APPBP2: variants seen among roughly 807,000 people sequenced by gnomAD.
The protein encoded by APPBP2 is amyloid beta precursor protein binding protein 2, also known as amyloid protein-binding protein 2.
APPBP2 carries 15 observed loss-of-function variants against 76.0 expected under a neutral mutation model. The observed-to-expected ratio is 0.20, with a 90% CI of 0.13 to 0.30. The LOEUF is 0.30. Among genes scored for constraint, APPBP2 ranks in the 10% least tolerant of loss-of-function variants. The pLI, the probability that APPBP2 is intolerant of heterozygous loss-of-function variation, is 1.00. For missense variants in APPBP2, 401 were observed against 687.2 expected, an observed-to-expected ratio of 0.58 and a Z score of 4.66; for synonymous variants, 222 against 242.2, an observed-to-expected ratio of 0.92 and a Z score of 0.77.
chr17:60,494,390 T>C, intron 3 of APPBP2, 76 bp downstream of exon 3: 5 of 1,535,176 alleles, frequency 3.3e-6, no homozygotes, highest in Non-Finnish European at 4.4e-6. Context: ...GGGAAAGCCC[T>C]GGAAGAATTC....
At chr17:60,505,679 T>TTTTTTTTG (rs2090861530) in intron 1 of APPBP2, among the ~76,000 whole-genome samples, 1 of 124,188 alleles carries the variant, frequency 8.1e-6, no homozygotes, top group African/African-American at 3.7e-5. Flanking sequence ...CCCTGCGGTT[T>TTTTTTTTG]TTTTTTTTTT....
intron 4 of APPBP2, among the ~76,000 whole-genome samples, chr17:60,476,457 C>A (rs2090591682): frequency 6.6e-6 from 1 of 151,850 alleles, no homozygotes; most frequent in Non-Finnish European, 1.5e-5. Context: ...TAAAAAAAGG[C>A]TAAGTCATAA....
intron 1 of APPBP2, chr17:60,513,435 T>C (rs769036523): frequency 3.1e-6 from 2 of 647,486 alleles, no homozygotes; most frequent in Non-Finnish European, 2.8e-6. Flanking sequence ...TTGTGACAGA[T>C]AACTTGTGGT....
At chr17:60,516,860 T>C (rs2143496919) in intron 1 of APPBP2, among the ~76,000 whole-genome samples, 1 of 152,368 alleles carries the variant, frequency 6.6e-6, no homozygotes, top group South Asian at 2.1e-4. Flanking sequence ...GTCACTGTGA[T>C]GGGTGTACAG....
intron 3 of APPBP2, among the ~76,000 whole-genome samples, chr17:60,489,180 C>T (rs751063111): frequency 4.0e-5 from 6 of 151,846 alleles, no homozygotes; most frequent in Non-Finnish European, 7.4e-5. Context: ...TGAGATCACA[C>T]TATTGCACTC....
At chr17:60,509,358 G>A (rs187077487) in intron 1 of APPBP2, among the ~76,000 whole-genome samples, 18 of 150,282 alleles carry the variant, frequency 1.2e-4, no homozygotes, top group East Asian at 7.8e-4. Context: ...CAACCTGGGC[G>A]ACAGAGCGAG....
chr17:60,471,777 C>A (rs759889057), intron 4 of APPBP2, among the ~76,000 whole-genome samples: 3 of 152,030 alleles, frequency 2.0e-5, no homozygotes, highest in African/African-American at 7.2e-5. Context: ...TCTGAAATTG[C>A]CTTTTTTGTG....
At chr17:60,468,034 T>C (rs548599662) in intron 4 of APPBP2, among the ~76,000 whole-genome samples, 1 of 152,322 alleles carries the variant, frequency 6.6e-6, no homozygotes, top group South Asian at 2.1e-4. Flanking sequence ...TTATGCACTA[T>C]CTAATATAAT....
chr17:60,456,854 G>A (rs2090434916), intron 9 of APPBP2, among the ~76,000 whole-genome samples: 1 of 152,158 alleles, frequency 6.6e-6, no homozygotes, highest in African/African-American at 2.4e-5. Flanking sequence ...ATTTACCACT[G>A]GCCGGGTGCA....
intron 3 of APPBP2, among the ~76,000 whole-genome samples, chr17:60,487,946 G>C (rs1055221679): frequency 6.6e-6 from 1 of 152,220 alleles, no homozygotes; most frequent in Admixed American, 6.5e-5. Context: ...CCTTGTAACA[G>C]TCAGGTCCCT....
intron 3 of APPBP2, among the ~76,000 whole-genome samples, chr17:60,482,194 G>A (rs973682936): frequency 7.2e-5 from 11 of 152,096 alleles, no homozygotes; most frequent in Non-Finnish European, 1.5e-4. Context: ...TTACTACTTC[G>A]ATTAAAAACT....
chr17:60,493,576 C>T (rs2090748422), intron 3 of APPBP2, among the ~76,000 whole-genome samples: 1 of 151,330 alleles, frequency 6.6e-6, no homozygotes, highest in African/African-American at 2.4e-5. Flanking sequence ...TCAAGTGATC[C>T]TGCCACCTCA....
intron 1 of APPBP2, among the ~76,000 whole-genome samples, chr17:60,524,400 G>A (rs1202245980): frequency 1.3e-5 from 2 of 152,080 alleles, no homozygotes; most frequent in East Asian, 3.9e-4. Flanking sequence ...TATCTTAAAT[G>A]AACAAAATTT....
intron 1 of APPBP2, among the ~76,000 whole-genome samples, chr17:60,509,609 CCTGA>C (rs1320446125): frequency 2.0e-5 from 3 of 152,010 alleles, no homozygotes; most frequent in Non-Finnish European, 2.9e-5. Context: ...TTGAGACCAG[CCTGA>C]CTAACATAGA....
chr17:60,522,872 T>A (rs9891813), intron 1 of APPBP2, among the ~76,000 whole-genome samples: 13,541 of 150,522 alleles, frequency 0.09, 801 homozygotes, highest in African/African-American at 0.16. Context: ...TTTTTTTTTT[T>A]TAAAAAAAAG....
rs762270239 is a variant in APPBP2 at position 60,452,062 on chromosome 17, C to G, written c.1339-17G>C. On this transcript the variant is annotated splice_polypyrimidine_tract_variant and intron_variant, in intron 11 of 12. Transcript: ENST00000083182. ...TTCAGCTTCCTGAAAAACAATTATGCCATATCAATCATTATACTTTTTCTC... is the reference window on the plus strand; with the variant it reads ...TTCAGCTTCCTGAAAAACAATTATGGCATATCAATCATTATACTTTTTCTC... The G allele has an allele frequency of 1.2e-6, 2 of 1,608,454 alleles. No homozygotes were observed. Among genetic ancestry groups the G allele is most frequent in the African/African-American group, 2.7e-5 (2 of 74,504 alleles).
At chr17:60,517,518 T>C (rs2090972703) in intron 1 of APPBP2, among the ~76,000 whole-genome samples, 1 of 152,236 alleles carries the variant, frequency 6.6e-6, no homozygotes, top group Non-Finnish European at 1.5e-5. Context: ...AAAAACTTTT[T>C]TCATATTTAG....
intron 1 of APPBP2, among the ~76,000 whole-genome samples, chr17:60,519,878 G>A (rs889572037): frequency 3.3e-5 from 5 of 150,710 alleles, no homozygotes; most frequent in Admixed American, 2.0e-4. Context: ...CAGCCTCCTG[G>A]GCTCAAGCAA....
At chr17:60,453,536 G>GTTTTTTTT (rs544790789) in intron 11 of APPBP2, among the ~76,000 whole-genome samples, 5 of 140,464 alleles carry the variant, frequency 3.6e-5, no homozygotes, top group African/African-American at 1.3e-4. Context: ...TCATGATCCT[G>GTTTTTTTT]TTTTTTTTTT....
Sources: gnomAD v4.1 joint callset for allele counts (sites outside exome capture counted in the v4.1 genomes callset) on GRCh38, gnomAD v4.1.1 for gene constraint, MANE v1.5 for transcripts, NCBI Gene and HGNC (gene_info 2026-07-23, HGNC 2026-07-21) for gene names.